The following RPH3AL variants were observed in gnomAD, a reference collection of about 807,000 sequenced individuals.
RPH3AL encodes rabphilin 3A like (without C2 domains).
RPH3AL carries 38 observed loss-of-function variants against 43.1 expected under a neutral mutation model. The observed-to-expected ratio is 0.88, with a 90% CI of 0.68 to 1.15. The LOEUF (loss-of-function observed/expected upper bound fraction) is 1.15, where lower values mean the gene tolerates loss of function less well. Among genes scored for constraint, RPH3AL ranks in the 50% most tolerant of loss-of-function variants. The pLI is 0.00. For synonymous variants in RPH3AL, 189 were observed against 176.3 expected (o/e 1.07, Z -0.57); for missense variants, 462 against 423.2 (o/e 1.09, Z -0.81).
intron 6 of RPH3AL, among the ~76,000 whole-genome samples, chr17:256,097 C>A (rs2042044596): frequency 5.9e-5 from 1 of 16,938 alleles, no homozygotes; most frequent in Non-Finnish European, 1.6e-4. Flanking sequence ...CGTGACTACC[C>A]TACGTACTTC....
chr17:248,117 G>A (rs2041809488), intron 6 of RPH3AL, among the ~76,000 whole-genome samples: 1 of 152,154 alleles, frequency 6.6e-6, no homozygotes. Flanking sequence ...ACGTGTACCT[G>A]CAGACACCTC....
chr17:246,770 G>A lies in RPH3AL; in HGVS notation c.613+341C>T, dbSNP rs1044882593. Reference sequence around the variant, plus strand: ...GAGGGCCTGCCTGGGAAAGATGTAGGTTTTATACTTTGCAAAATACCTTAA... The same window carrying A: ...GAGGGCCTGCCTGGGAAAGATGTAGATTTTATACTTTGCAAAATACCTTAA... On this transcript the variant is annotated intron_variant, in intron 7 of 9. Transcript: ENST00000331302. This position sits in a 1 kb window ranked among gnomAD's most constrained non-coding sequence, Gnocchi z 4.8. 6.6e-6 allele frequency among the ~76,000 whole-genome samples: 1 copy of A among 152,190 alleles called. No homozygotes were observed. Among genetic ancestry groups the A allele is most frequent in the Non-Finnish European group, 1.5e-5 (1 of 68,036 alleles).
rs561049175 is a variant in RPH3AL, at chr17:216,879, G to A, written c.728-1077C>T. ...CATGGTCACAGGAGAGGGGGGTGGTGGTACGTGTGTCAGGTCTTTGCCAGC... is the reference window on the plus strand; with the variant it reads ...CATGGTCACAGGAGAGGGGGGTGGTAGTACGTGTGTCAGGTCTTTGCCAGC... On this transcript the variant is annotated intron_variant, in intron 8 of 9. Transcript: ENST00000331302. Among the ~76,000 whole-genome samples the A allele has an allele frequency of 4.6e-5, 7 of 152,196 alleles. No individual in the cohort carries two copies. The South Asian group carries it at 8.3e-4, about 18-fold the overall frequency.
rs1249814867 is a variant in RPH3AL at position 314,817 on chromosome 17, A to T, written c.351+4603T>A. ...TAGTCCCTGTACTCCACGTCCATTG[A>T]CCTGTAGTCTCTGTGCTCCACCTCC... On this transcript the variant is annotated intron_variant, in intron 5 of 9. Transcript: ENST00000331302. Among the ~76,000 whole-genome samples, 61 of 105,018 alleles carry T rather than the reference A, an allele frequency of 5.8e-4. 6 individuals are homozygous for T. Among genetic ancestry groups the T allele is most frequent in the African/African-American group, 2.7e-3 (59 of 21,584 alleles). The allele number at this position is 105,018 out of a possible 152,430, so 68.9% of individuals were successfully genotyped here.
chr17:316,198 CCTGTGCCCCACCTCCATTGACCTGT>C (rs2044162444), intron 5 of RPH3AL, among the ~76,000 whole-genome samples: 2 of 90,338 alleles, frequency 2.2e-5, no homozygotes, highest in Admixed American at 1.2e-4. Flanking sequence ...ACCTGTAGTT[CCTGTGCCCCACCTCCATTGACCTGT>C]AGTCCCTGTG....
chr17:290,704 G>A lies in RPH3AL; in HGVS notation c.352-8850C>T, dbSNP rs536703384. 6.6e-6 allele frequency among the ~76,000 whole-genome samples: 1 copy of A among 152,190 alleles called. No homozygotes were observed. The highest frequency in any genetic ancestry group is 2.4e-5 in the African/African-American group (1 of 41,446). Reference sequence around the variant, plus strand: ...AGTCCTCACCGATCCATTTCATGATGAGGAATTCCACCACGCTCCCGCAGA... The same window carrying A: ...AGTCCTCACCGATCCATTTCATGATAAGGAATTCCACCACGCTCCCGCAGA... On this transcript the variant is annotated intron_variant, in intron 5 of 9. Coordinates refer to ENST00000331302, the MANE Select transcript of RPH3AL (RefSeq NM_006987.4). The surrounding 1 kb of genome is among the most constrained non-coding windows in gnomAD (Gnocchi z 4.2).
In RPH3AL at chr17:219,702, A is replaced by C. The variant is rs770138634; in HGVS notation, c.648T>G (p.Leu216=). The change falls in exon 8 of 10, where the codon CTT becomes CTG. Residue 216 remains leucine (L), a synonymous_variant. Transcript: ENST00000331302. ...VSSDSDSDSD[L]SSSSLEDRLP... ...GTCTGTCCTCTAGGCTGGAGGAGCT[A>C]AGATCCGAGTCACTGTCACTGTCAC... 18 of 1,613,502 alleles carry C rather than the reference A, an allele frequency of 1.1e-5. 1 individual carries two copies. The South Asian group carries it at 2.0e-4, about 18-fold the overall frequency.
At chr17:317,770 C>T (rs562926386) in intron 5 of RPH3AL, among the ~76,000 whole-genome samples, 73 of 152,282 alleles carry the variant, frequency 4.8e-4, no homozygotes, top group African/African-American at 1.6e-3. Context: ...CTTCACTGTA[C>T]CTTTGGTTTT....
intron 5 of RPH3AL, among the ~76,000 whole-genome samples, chr17:292,277 C>G (rs2043065665): frequency 6.6e-6 from 1 of 152,354 alleles, no homozygotes; most frequent in South Asian, 2.1e-4. Context: ...AGTGGGCCAG[C>G]AGCGGAAAGG....
rs373142320 is a variant in RPH3AL at position 305,931 on chromosome 17, G to A, written c.351+13489C>T. Among the ~76,000 whole-genome samples, 6 of 141,106 alleles carry A rather than the reference G, an allele frequency of 4.3e-5. No individual in the cohort carries two copies. The East Asian group carries it at 9.3e-4, about 22-fold the overall frequency. The allele number at this position is 141,106 out of a possible 152,430, so 92.6% of individuals were successfully genotyped here. A position where few individuals can be genotyped will look rare whatever the true frequency, so the allele number is the denominator to read the frequency against. ...ACAATCTTGACTCACTGCAGCCTCC[G>A]CCTCTGGGGCTCAAGCCTTCCAGGC... On this transcript the variant is annotated intron_variant, in intron 5 of 9. Transcript: ENST00000331302.
At chr17:299,063 C>A (rs77171626) in intron 5 of RPH3AL, among the ~76,000 whole-genome samples, 280 of 130,412 alleles carry the variant, frequency 2.1e-3, no homozygotes, top group Middle Eastern at 4.0e-3. Context: ...CTGAAGGCTT[C>A]GGGGGGAGGG....
intron 8 of RPH3AL, among the ~76,000 whole-genome samples, chr17:217,032 A>G (rs111931895): frequency 0.18 from 26,057 of 143,238 alleles, 2,896 homozygotes; most frequent in Non-Finnish European, 0.25. Context: ...GGCCTCGCTG[A>G]AATCAGGACC....
At chr17:315,101 TG>T (rs2151669918) in intron 5 of RPH3AL, among the ~76,000 whole-genome samples, 2 of 145,238 alleles carry the variant, frequency 1.4e-5, no homozygotes, top group Non-Finnish European at 3.0e-5. Context: ...GTAGTCCCTG[TG>T]ACCCCACCTC....
Position 235,535 on chromosome 17 carries a change from C to G in RPH3AL, c.613+11576G>C, listed in dbSNP as rs111900435. Among the ~76,000 whole-genome samples the G allele has an allele frequency of 6.0e-3, 546 of 90,818 alleles. 13 individuals carry two copies. Among genetic ancestry groups the G allele is most frequent in the Non-Finnish European group, 7.7e-3 (313 of 40,864 alleles). 59.6% of individuals were successfully genotyped at this position (90,818 alleles called of 152,430 possible). A position where few individuals can be genotyped will look rare whatever the true frequency, so the allele number is the denominator to read the frequency against. On this transcript the variant is annotated intron_variant, in intron 7 of 9. Transcript: ENST00000331302. ...AGCTGGGGTCGGCGGAGGCTCCACA[C>G]TAACAAGACGGGTCCCGGGTTCAAA...
Position 346,516 on chromosome 17 carries a change from C to T in RPH3AL, c.-213+6196G>A, listed in dbSNP as rs566888866. Among the ~76,000 whole-genome samples the T allele has an allele frequency of 5.2e-5, 7 of 133,928 alleles. 1 individual carries two copies. In the South Asian group the frequency reaches 1.5e-3, roughly 29 times the overall value. 87.9% of individuals were successfully genotyped at this position (133,928 alleles called of 152,430 possible). A position where few individuals can be genotyped will look rare whatever the true frequency, so the allele number is the denominator to read the frequency against. On this transcript the variant is annotated intron_variant, in intron 1 of 9. Transcript: ENST00000331302. ...TCCCCCTTACAGAACCATCAGCTCT[C>T]GTGAGACTTATTCACTCTCATGAGA...
At chr17:222,095 C>G (rs72477015) in intron 7 of RPH3AL, among the ~76,000 whole-genome samples, 3 of 152,394 alleles carry the variant, frequency 2.0e-5, no homozygotes, top group Non-Finnish European at 2.9e-5. Flanking sequence ...GGCCTCCACT[C>G]GCTGAGACAA....
At chr17:253,609 C>G (rs1386255631) in intron 6 of RPH3AL, among the ~76,000 whole-genome samples, 2 of 152,130 alleles carry the variant, frequency 1.3e-5, no homozygotes, top group Non-Finnish European at 2.9e-5. Flanking sequence ...ACTCTATAAC[C>G]ACTAAGCAAT....
intron 5 of RPH3AL, among the ~76,000 whole-genome samples, chr17:314,051 G>C: frequency 6.6e-6 from 1 of 152,272 alleles, no homozygotes. Flanking sequence ...GAGTAGCGTG[G>C]GGACCCACAT....
intron 3 of RPH3AL, among the ~76,000 whole-genome samples, chr17:324,339 G>T (rs1347940079): frequency 6.6e-6 from 1 of 152,150 alleles, no homozygotes; most frequent in East Asian, 1.9e-4. Context: ...CTGCTGCCAG[G>T]CCAGGCCCTG....
Sources: allele counts gnomAD v4.1 joint callset (sites outside exome capture counted in the v4.1 genomes callset), GRCh38; gene constraint gnomAD v4.1.1; non-coding constraint Gnocchi (gnomAD v3.1); transcripts MANE v1.5; gene names NCBI Gene and HGNC (gene_info 2026-07-23, HGNC 2026-07-21).